MAP4: variants seen among roughly 807,000 people sequenced by gnomAD.
MAP4 encodes microtubule-associated protein 4.
MAP4 carries 76 observed loss-of-function variants against 170.2 expected under a neutral mutation model. The ratio of observed to expected loss-of-function variants is 0.45; its 90% CI spans 0.37 to 0.54. The LOEUF is 0.54. Among genes scored for constraint, MAP4 ranks in the 20% least tolerant of loss-of-function variants. The probability of loss-of-function intolerance (pLI) is 0.00; values close to 1 mark genes in which losing one functional copy is unlikely to be tolerated. For missense variants in MAP4, 2,506 were observed against 2,748.0 expected, an observed-to-expected ratio of 0.91 and a Z score of 1.97; for synonymous variants, 909 against 994.5, an observed-to-expected ratio of 0.91 and a Z score of 1.62.
At chr3:47,900,266 A>G (rs1319317021) in intron 10 of MAP4, among the ~76,000 whole-genome samples, 1 of 152,218 alleles carries the variant, frequency 6.6e-6, no homozygotes, top group Non-Finnish European at 1.5e-5. Flanking sequence ...CATAAAGGTA[A>G]AACTATTTCA....
chr3:47,866,856 G>A (rs1197021943), intron 17 of MAP4, among the ~76,000 whole-genome samples: 1 of 152,160 alleles, frequency 6.6e-6, no homozygotes, highest in East Asian at 1.9e-4. Flanking sequence ...CCAGACATCT[G>A]TCTCAGAGAA....
At chr3:47,926,585 A>G (rs2100046126) in intron 4 of MAP4, among the ~76,000 whole-genome samples, 1 of 152,188 alleles carries the variant, frequency 6.6e-6, no homozygotes, top group South Asian at 2.1e-4. Flanking sequence ...CCCACGCTAG[A>G]GTACAGAAGC....
Position 47,928,237 on chromosome 3 carries a change from T to C in MAP4, c.406A>G (p.Ile136Val). ...CFQPEQVVDP[I>V]QTDPFKMYHD... ...GCAAGCCAACACTTACCAGTCTGGA[T>C]AGGATCGACCACTTGCTCAGGTTGG... The change falls in exon 4 of 21, where the codon ATC becomes GTC. Residue 136 changes from isoleucine (I) to valine (V), a missense_variant. This residue lies in a region of MAP4 where 2,008 missense variants were observed against 2,206.0 expected (regional missense o/e 0.91). Coordinates refer to ENST00000683076, the MANE Select transcript of MAP4 (RefSeq NM_001385682.1). 5.6e-6 allele frequency: 9 copies of C among 1,614,216 alleles called. No homozygotes were observed. Among genetic ancestry groups the C allele is most frequent in the African/African-American group, 1.3e-5 (1 of 75,070 alleles).
chr3:48,013,392 G>T (rs1483250233), intron 1 of MAP4: 1 of 151,936 alleles, frequency 6.6e-6, no homozygotes, highest in African/African-American at 2.4e-5. Flanking sequence ...AAATAGATTT[G>T]TGAGTAAGAG....
chr3:48,008,829 C>T (rs2100103776), intron 1 of MAP4, among the ~76,000 whole-genome samples: 1 of 152,180 alleles, frequency 6.6e-6, no homozygotes, highest in African/African-American at 2.4e-5. Flanking sequence ...GACTTCCACT[C>T]ACCAAGGCTG....
intron 1 of MAP4, among the ~76,000 whole-genome samples, chr3:48,034,510 C>T (rs915218612): frequency 1.3e-5 from 2 of 151,824 alleles, no homozygotes; most frequent in African/African-American, 4.8e-5. Flanking sequence ...CGAGACCAGC[C>T]TGGCCAACAT....
intron 1 of MAP4, among the ~76,000 whole-genome samples, chr3:48,053,510 G>A (rs1011701614): frequency 1.2e-4 from 19 of 152,050 alleles, no homozygotes; most frequent in African/African-American, 4.6e-4. Flanking sequence ...AATAGCATTC[G>A]TAAAGCCACA....
chr3:47,950,216 T>C (rs931650988), intron 3 of MAP4, among the ~76,000 whole-genome samples: 1 of 152,224 alleles, frequency 6.6e-6, no homozygotes, highest in Non-Finnish European at 1.5e-5. Flanking sequence ...TACCCTTTAA[T>C]GGTTAATCTA....
chr3:48,037,762 C>T (rs867981699), intron 1 of MAP4, among the ~76,000 whole-genome samples: 5 of 152,170 alleles, frequency 3.3e-5, no homozygotes, highest in South Asian at 2.1e-4. Context: ...ACTTCAGGAG[C>T]ACTCTATATG....
intron 1 of MAP4, among the ~76,000 whole-genome samples, chr3:47,999,422 G>A (rs1298233402): frequency 6.6e-6 from 1 of 151,944 alleles, no homozygotes; most frequent in African/African-American, 2.4e-5. Flanking sequence ...ATTAGCTAAG[G>A]GAGATGGTCC....
intron 9 of MAP4, among the ~76,000 whole-genome samples, chr3:47,907,453 C>T (rs2100033744): frequency 6.6e-6 from 1 of 151,932 alleles, no homozygotes; most frequent in Non-Finnish European, 1.5e-5. Context: ...TATACATTGT[C>T]CTTAGGGGAA....
chr3:48,075,280 T>G (rs1263640452), intron 1 of MAP4, among the ~76,000 whole-genome samples: 1 of 152,114 alleles, frequency 6.6e-6, no homozygotes, highest in Non-Finnish European at 1.5e-5. Context: ...ATCCCAGAAC[T>G]TTGGGAGGCC....
At chr3:47,953,361 A>G (rs1036203988) in intron 3 of MAP4, among the ~76,000 whole-genome samples, 2 of 152,080 alleles carry the variant, frequency 1.3e-5, no homozygotes, top group African/African-American at 4.8e-5. Flanking sequence ...CATCTCCACA[A>G]AAAATAAAAA....
At chr3:48,073,252 TAC>T (rs35163339) in intron 1 of MAP4, among the ~76,000 whole-genome samples, 9,362 of 133,956 alleles carry the variant, frequency 0.07, 343 homozygotes, top group Middle Eastern at 0.099. Flanking sequence ...TCCAAAGGAA[TAC>T]ACACACACAC....
At chr3:48,040,340 C>T (rs2100120990) in intron 1 of MAP4, among the ~76,000 whole-genome samples, 1 of 152,088 alleles carries the variant, frequency 6.6e-6, no homozygotes, top group African/African-American at 2.4e-5. Flanking sequence ...GTGATCTCGG[C>T]TCACTGCAAG....
intron 3 of MAP4, among the ~76,000 whole-genome samples, chr3:47,976,042 G>A (rs1019263009): frequency 1.3e-5 from 2 of 152,082 alleles, no homozygotes; most frequent in African/African-American, 4.8e-5. Context: ...CGCCCGCCTC[G>A]GTCTCCCAAA....
At chr3:47,913,048 A>C (rs2100036765) in intron 8 of MAP4, among the ~76,000 whole-genome samples, 1 of 152,226 alleles carries the variant, frequency 6.6e-6, no homozygotes, top group Non-Finnish European at 1.5e-5. Context: ...TCCTACTTTG[A>C]AAGACAAATA....
chr3:47,865,765 C>T (rs1239510965), intron 17 of MAP4, among the ~76,000 whole-genome samples: 7 of 152,146 alleles, frequency 4.6e-5, no homozygotes, highest in East Asian at 3.8e-4. Flanking sequence ...TGGAAGGGAG[C>T]GGTGAGGGCA....
intron 1 of MAP4, among the ~76,000 whole-genome samples, chr3:48,025,001 C>A (rs899989223): frequency 6.0e-5 from 9 of 151,070 alleles, no homozygotes; most frequent in Admixed American, 4.6e-4. Context: ...TGTCCAGGCT[C>A]GAGTGCAGTG....
Sources: gnomAD v4.1 joint callset for allele counts (sites outside exome capture counted in the v4.1 genomes callset) on GRCh38, gnomAD v4.1.1 for gene constraint, gnomAD v4.1.1 regional missense constraint, MANE v1.5 for transcripts, NCBI Gene and HGNC (gene_info 2026-07-23, HGNC 2026-07-21) for gene names.